Variants in FANK1 observed in about 807,000 individuals in gnomAD.
FANK1 encodes fibronectin type 3 and ankyrin repeat domains protein 1.
A neutral mutation model predicts 45.3 loss-of-function variants in FANK1; 44 were observed. The observed-to-expected ratio is 0.97, with a 90% CI of 0.76 to 1.25. The LOEUF is 1.25. Ranked by LOEUF, FANK1 falls within the 50% of genes most tolerant of loss-of-function variation. The pLI is 0.00. For synonymous variants in FANK1, 149 were observed against 152.5 expected (o/e 0.98, Z 0.17); for missense variants, 391 against 424.4 (o/e 0.92, Z 0.69).
intron 1 of FANK1, among the ~76,000 whole-genome samples, chr10:125,899,156 G>A (rs1385910787): frequency 2.6e-5 from 4 of 152,204 alleles, no homozygotes; most frequent in African/African-American, 9.7e-5. Flanking sequence ...CGCCTCCCGG[G>A]TTCAAGTAAT....
chr10:125,919,512 C>T (rs111647838), intron 1 of FANK1, among the ~76,000 whole-genome samples: 2 of 151,948 alleles, frequency 1.3e-5, no homozygotes, highest in African/African-American at 4.8e-5. Flanking sequence ...GGCTGCTGCT[C>T]CTTTTTTTGT....
chr10:125,995,692 A>G (rs1249310001), intron 4 of FANK1, 194 bp downstream of exon 4: 5 of 539,900 alleles, frequency 9.3e-6, no homozygotes, highest in Non-Finnish European at 1.7e-5. Flanking sequence ...TGTAAATGTT[A>G]TATTTTGTGA....
At chr10:125,988,476 C>T (rs1284764243) in intron 2 of FANK1, 75 bp from the exon 3 acceptor site, 1 of 1,549,786 alleles carries the variant, frequency 6.5e-7, no homozygotes, top group South Asian at 1.2e-5. Flanking sequence ...CTTCCACCTG[C>T]TCTTCTGCTG....
At chr10:125,928,638 T>G (rs1947543530) in intron 1 of FANK1, among the ~76,000 whole-genome samples, 1 of 152,206 alleles carries the variant, frequency 6.6e-6, no homozygotes, top group Non-Finnish European at 1.5e-5. Flanking sequence ...TTTTAAAAAC[T>G]TTTAGTCTTT....
At chr10:125,976,919 G>A (rs1030152742) in intron 1 of FANK1, among the ~76,000 whole-genome samples, 7 of 152,094 alleles carry the variant, frequency 4.6e-5, no homozygotes, top group Admixed American at 3.3e-4. Context: ...TACTGTGCCC[G>A]GTCATAAAAT....
At chr10:125,956,098 T>C (rs1949553695) in intron 1 of FANK1, among the ~76,000 whole-genome samples, 2 of 151,522 alleles carry the variant, frequency 1.3e-5, no homozygotes, top group Admixed American at 6.6e-5. Flanking sequence ...AGAATTTTGC[T>C]GTATCACAGT....
At chr10:125,963,058 C>T (rs987062089) in intron 1 of FANK1, among the ~76,000 whole-genome samples, 4 of 150,580 alleles carry the variant, frequency 2.7e-5, no homozygotes, top group Non-Finnish European at 5.9e-5. Flanking sequence ...GTGAGCTCTG[C>T]TCACTGCAAC....
At chr10:125,928,587 A>G (rs187706323) in intron 1 of FANK1, among the ~76,000 whole-genome samples, 1 of 152,190 alleles carries the variant, frequency 6.6e-6, no homozygotes, top group Admixed American at 6.5e-5. Context: ...GCTCTTTTTC[A>G]AACCCCTCTG....
chr10:125,940,602 G>A (rs915287311), intron 1 of FANK1, among the ~76,000 whole-genome samples: 3 of 152,054 alleles, frequency 2.0e-5, no homozygotes, highest in African/African-American at 7.2e-5. Flanking sequence ...CCTTCCTCTT[G>A]TCTCAACCTC....
intron 3 of FANK1, chr10:125,994,915 C>T (rs140204738): frequency 3.9e-5 from 38 of 985,318 alleles, no homozygotes; most frequent in East Asian, 3.4e-4. Context: ...TCCTGTGGGT[C>T]GAAGCCCTTC....
intron 1 of FANK1, among the ~76,000 whole-genome samples, chr10:125,969,384 GACTT>G (rs750487915): frequency 2.0e-4 from 31 of 151,484 alleles, no homozygotes; most frequent in Non-Finnish European, 3.2e-4. Context: ...AAAGATCTGA[GACTT>G]ACTTATGACC....
chr10:125,994,469 C>T (rs745926310), intron 3 of FANK1: 25 of 985,038 alleles, frequency 2.5e-5, no homozygotes, highest in South Asian at 1.4e-4. Context: ...AGGGGCTGGG[C>T]GTACAGTTGG....
At chr10:125,976,430 T>G (rs928352610) in intron 1 of FANK1, among the ~76,000 whole-genome samples, 1 of 152,236 alleles carries the variant, frequency 6.6e-6, no homozygotes, top group African/African-American at 2.4e-5. Context: ...GCTTTCTCTC[T>G]CCCTTTCAGG....
chr10:125,994,609 T>C (rs1952181299), intron 3 of FANK1: 6 of 985,270 alleles, frequency 6.1e-6, no homozygotes, highest in Admixed American at 6.1e-5. Context: ...ATTGGTGTTA[T>C]TTCATTTAAG....
At chr10:125,937,957 C>T (rs1207498250) in intron 1 of FANK1, among the ~76,000 whole-genome samples, 1 of 152,136 alleles carries the variant, frequency 6.6e-6, no homozygotes, top group Non-Finnish European at 1.5e-5. Context: ...ACGGAAAAAA[C>T]TGAAATATCA....
chr10:125,995,646 T>A, intron 4 of FANK1, 148 bp downstream of exon 4: 1 of 663,350 alleles, frequency 1.5e-6, no homozygotes, highest in Non-Finnish European at 2.7e-6. Context: ...TGTGAGTTAA[T>A]AAACCACAGT....
Position 126,009,224 on chromosome 10 carries a change from C to T in FANK1, c.930C>T (p.Phe310=), listed in dbSNP as rs531535396. The change falls in exon 10 of 11, where the codon TTC becomes TTT. Residue 310 remains phenylalanine, a splice_region_variant and synonymous_variant. Transcript: ENST00000368693. ...KGADASVKNE[F]GKGVLEMARV... Reference sequence around the variant, plus strand: ...ATTTTTGTTGTTTCCTGTTTCAGTTCGGCAAAGGTGTCCTAGAAATGGCCA... The same window carrying T: ...ATTTTTGTTGTTTCCTGTTTCAGTTTGGCAAAGGTGTCCTAGAAATGGCCA... 1.9e-5 allele frequency: 30 copies of T among 1,614,020 alleles called. No homozygotes were observed. Among genetic ancestry groups the T allele is most frequent in the Middle Eastern group, 1.6e-4 (1 of 6,084 alleles).
intron 3 of FANK1, chr10:125,989,310 T>C (rs1235618309): frequency 1.3e-6 from 2 of 1,550,814 alleles, no homozygotes; most frequent in Non-Finnish European, 1.7e-6. Flanking sequence ...CTTGTAAAAA[T>C]TAGGATGGTC....
intron 3 of FANK1, among the ~76,000 whole-genome samples, chr10:125,990,882 C>T (rs760873635): frequency 8.5e-5 from 13 of 152,112 alleles, no homozygotes; most frequent in East Asian, 1.9e-4. Flanking sequence ...TCTTCCACGG[C>T]GGCAGGCAAG....
Sources: gnomAD v4.1 joint callset for allele counts (sites outside exome capture counted in the v4.1 genomes callset) on GRCh38, gnomAD v4.1.1 for gene constraint, MANE v1.5 for transcripts, NCBI Gene and HGNC (gene_info 2026-07-23, HGNC 2026-07-21) for gene names.